The following CDIN1 variants were observed in gnomAD, a reference collection of about 807,000 sequenced individuals.
CDIN1 encodes the protein CDAN1 interacting nuclease 1.
Under a neutral mutation model 45.3 loss-of-function variants are expected in CDIN1, and 33 were observed. The ratio of observed to expected loss-of-function variants is 0.73; its 90% CI spans 0.55 to 0.97. CDIN1 has a LOEUF of 0.97. Among genes scored for constraint, CDIN1 ranks in the 50% least tolerant of loss-of-function variants. The probability of loss-of-function intolerance (pLI) is 0.00; values close to 1 mark genes in which losing one functional copy is unlikely to be tolerated. For synonymous variants in CDIN1, 118 were observed against 124.4 expected (o/e 0.95, Z 0.34); for missense variants, 303 against 339.4 (o/e 0.89, Z 0.84).
At chr15:36,664,323 A>G (rs1055252277) in intron 5 of CDIN1, among the ~76,000 whole-genome samples, 1 of 152,186 alleles carries the variant, frequency 6.6e-6, no homozygotes, top group African/African-American at 2.4e-5. Context: ...TTTCCAAGCA[A>G]TTTCAAATAG....
intron 1 of CDIN1, among the ~76,000 whole-genome samples, chr15:36,619,510 T>TCTAC (rs1457115890): frequency 6.6e-6 from 1 of 151,796 alleles, no homozygotes; most frequent in Non-Finnish European, 1.5e-5. Flanking sequence ...TATCTATCTA[T>TCTAC]CTATCTATCC....
intron 10 of CDIN1, among the ~76,000 whole-genome samples, chr15:36,746,752 CTTTTTTTTT>C (rs760613983): frequency 1.3e-5 from 1 of 74,346 alleles, no homozygotes; most frequent in Non-Finnish European, 2.4e-5. Flanking sequence ...GGAAACGTGT[CTTTTTTTTT>C]TTTTTTTTTT....
chr15:36,675,022 T>C (rs950127973), intron 5 of CDIN1, among the ~76,000 whole-genome samples: 1 of 152,050 alleles, frequency 6.6e-6, no homozygotes, highest in African/African-American at 2.4e-5. Flanking sequence ...ATCAACCCTT[T>C]TTCCCCTCAT....
intron 10 of CDIN1, among the ~76,000 whole-genome samples, chr15:36,797,992 A>C (rs2054870916): frequency 1.4e-5 from 2 of 142,852 alleles, no homozygotes; most frequent in Non-Finnish European, 3.0e-5. Context: ...AAAAAAAAAG[A>C]CTTTCCTTCA....
chr15:36,800,907 GTGTATATATATATA>G (rs1406058679), intron 10 of CDIN1, among the ~76,000 whole-genome samples: 16 of 31,622 alleles, frequency 5.1e-4, no homozygotes, highest in Admixed American at 3.5e-3. Context: ...GTGTGTGTGT[GTGTATATATATATA>G]TATATATATA....
intron 8 of CDIN1, among the ~76,000 whole-genome samples, chr15:36,703,031 C>T (rs985065090): frequency 7.3e-5 from 11 of 149,874 alleles, no homozygotes; most frequent in East Asian, 2.0e-4. Context: ...CAAGACTCCC[C>T]GCCACTCCCC....
intron 1 of CDIN1, among the ~76,000 whole-genome samples, chr15:36,587,099 C>G (rs144561306): frequency 6.6e-6 from 1 of 152,188 alleles, no homozygotes; most frequent in Non-Finnish European, 1.5e-5. Flanking sequence ...TACCATAAAT[C>G]GCTAAGCAAA....
chr15:36,621,493 A>G (rs2039187653), intron 1 of CDIN1, among the ~76,000 whole-genome samples: 1 of 152,182 alleles, frequency 6.6e-6, no homozygotes, highest in Admixed American at 6.5e-5. Flanking sequence ...ATTCATTTCT[A>G]TACACTATTT....
intron 1 of CDIN1, among the ~76,000 whole-genome samples, chr15:36,609,662 A>G (rs1415330707): frequency 1.3e-5 from 2 of 152,208 alleles, no homozygotes; most frequent in South Asian, 2.1e-4. Flanking sequence ...GGAAGAGACC[A>G]TCACCTTTCC....
chr15:36,638,666 G>GAACA (rs1277881620), intron 1 of CDIN1, among the ~76,000 whole-genome samples: 1 of 151,966 alleles, frequency 6.6e-6, no homozygotes, highest in Non-Finnish European at 1.5e-5. Flanking sequence ...AAACATAAAA[G>GAACA]AACAACATTT....
intron 1 of CDIN1, chr15:36,618,466 A>T: frequency 9.6e-7 from 1 of 1,040,574 alleles, no homozygotes; most frequent in Non-Finnish European, 1.5e-6. Context: ...GTCAATCTCA[A>T]GACCTCATCC....
Position 36,665,643 on chromosome 15 carries a change from A to G in CDIN1, c.346+7738A>G, listed in dbSNP as rs927548876. Reference sequence around the variant, plus strand: ...CAACCTGAAGAGACGCACAGAATCAAGGATTGATGACCTATGTTGCTTCAT... The same window carrying G: ...CAACCTGAAGAGACGCACAGAATCAGGGATTGATGACCTATGTTGCTTCAT... On this transcript the variant is annotated intron_variant, in intron 5 of 10. Transcript: ENST00000566621. Among the ~76,000 whole-genome samples, 28 of 151,582 alleles carry G rather than the reference A, an allele frequency of 1.8e-4. 1 individual carries two copies. Among genetic ancestry groups the G allele is most frequent in the African/African-American group, 6.0e-4 (25 of 41,352 alleles).
chr15:36,675,919 GCATAGGTTGTTTGACA>G (rs2041632719), intron 5 of CDIN1, among the ~76,000 whole-genome samples: 1 of 152,090 alleles, frequency 6.6e-6, no homozygotes, highest in African/African-American at 2.4e-5. Flanking sequence ...CGCCTTCGTT[GCATAGGTTGTTTGACA>G]CATAGAATTT....
At chr15:36,796,937 A>G (rs1180999196) in intron 10 of CDIN1, among the ~76,000 whole-genome samples, 1 of 152,214 alleles carries the variant, frequency 6.6e-6, no homozygotes, top group Non-Finnish European at 1.5e-5. Context: ...TTTTGCTATC[A>G]TGACTCTTTG....
rs1175409309 is a variant in CDIN1, at chr15:36,654,173, AT to A, written c.273+16del. On this transcript the variant is annotated intron_variant, in intron 4 of 10. Coordinates refer to ENST00000566621, the MANE Select transcript of CDIN1 (RefSeq NM_001321759.2). ...TGGCCAATGAGGTAATGTTATTGTTATGATTTTATTTAAACCTGCGTGTAAC... is the reference window on the plus strand; with the variant it reads ...TGGCCAATGAGGTAATGTTATTGTTAGATTTTATTTAAACCTGCGTGTAAC... The A allele has an allele frequency of 6.4e-6, 10 of 1,557,892 alleles. No homozygotes were observed. The highest frequency in any genetic ancestry group is 8.7e-6 in the Non-Finnish European group (10 of 1,148,790).
chr15:36,676,180 G>A (rs1479144818), intron 5 of CDIN1, among the ~76,000 whole-genome samples: 3 of 152,060 alleles, frequency 2.0e-5, no homozygotes, highest in African/African-American at 4.8e-5. Flanking sequence ...TTTTCATATC[G>A]TTTAACATGC....
intron 10 of CDIN1, among the ~76,000 whole-genome samples, chr15:36,802,627 G>A (rs189702236): frequency 2.0e-5 from 3 of 152,134 alleles, no homozygotes; most frequent in Non-Finnish European, 4.4e-5. Context: ...TGAATTATAG[G>A]ATAGTGTTAG....
chr15:36,619,314 C>A, intron 1 of CDIN1: 1 of 755,764 alleles, frequency 1.3e-6, no homozygotes, highest in Non-Finnish European at 1.9e-6. Context: ...TCCCGTTAAA[C>A]TTGAGCTGTA....
chr15:36,703,233 TC>T (rs1255725250), intron 8 of CDIN1, among the ~76,000 whole-genome samples: 56 of 63,864 alleles, frequency 8.8e-4, no homozygotes, highest in East Asian at 2.5e-3. Context: ...TATATATATA[TC>T]AGATATATAT....
Sources: gnomAD v4.1 joint callset for allele counts (sites outside exome capture counted in the v4.1 genomes callset) on GRCh38, gnomAD v4.1.1 for gene constraint, MANE v1.5 for transcripts, NCBI Gene and HGNC (gene_info 2026-07-23, HGNC 2026-07-21) for gene names.